GFRA2: variants seen among roughly 807,000 people sequenced by gnomAD.
GFRA2 encodes the protein GDNF family receptor alpha-2.
A neutral mutation model predicts 48.3 loss-of-function variants in GFRA2; 17 were observed. That is an observed-to-expected ratio of 0.35 (90% CI 0.24 to 0.53). The LOEUF is 0.53. Ranked by LOEUF, GFRA2 falls within the 20% of genes least tolerant of loss-of-function variation. The pLI, the probability that GFRA2 is intolerant of heterozygous loss-of-function variation, is 0.93. For synonymous variants in GFRA2, 305 were observed against 257.2 expected (o/e 1.19, Z -1.78); for missense variants, 660 against 637.3 (o/e 1.04, Z -0.38).
At chr8:21,797,318 T>C (rs1351667861) in intron 2 of GFRA2, 2 of 126,698 alleles carry the variant, frequency 1.6e-5, no homozygotes, top group Non-Finnish European at 3.2e-5. Flanking sequence ...TTTGACATGG[T>C]CTCACTTTGT....
At chr8:21,719,476 T>C (rs1407074919) in intron 4 of GFRA2, among the ~76,000 whole-genome samples, 1 of 152,256 alleles carries the variant, frequency 6.6e-6, no homozygotes, top group African/African-American at 2.4e-5. Context: ...ATGCATCATT[T>C]GATTTTAATT....
intron 2 of GFRA2, among the ~76,000 whole-genome samples, chr8:21,779,180 A>G (rs1806853137): frequency 6.6e-6 from 1 of 152,200 alleles, no homozygotes; most frequent in South Asian, 2.1e-4. Flanking sequence ...AGCCTAGGCA[A>G]CAGAGTGAGA....
chr8:21,758,066 C>G (rs1361940407), intron 3 of GFRA2, among the ~76,000 whole-genome samples: 2 of 152,210 alleles, frequency 1.3e-5, no homozygotes, highest in Non-Finnish European at 1.5e-5. Flanking sequence ...TTGTGACTCA[C>G]AGGCCCCACC....
At chr8:21,735,129 C>A (rs1210117232) in intron 4 of GFRA2, among the ~76,000 whole-genome samples, 1 of 152,202 alleles carries the variant, frequency 6.6e-6, no homozygotes, top group African/African-American at 2.4e-5. Context: ...CACATGTCAT[C>A]AGGACCTCCT....
chr8:21,735,449 G>A (rs771706134), intron 4 of GFRA2, among the ~76,000 whole-genome samples: 5 of 150,634 alleles, frequency 3.3e-5, no homozygotes, highest in African/African-American at 4.9e-5. Context: ...GTTCTCCTTC[G>A]CACACACACA....
intron 1 of GFRA2, among the ~76,000 whole-genome samples, chr8:21,787,001 C>G (rs1472255709): frequency 6.6e-6 from 1 of 151,822 alleles, no homozygotes; most frequent in Non-Finnish European, 1.5e-5. Context: ...CACTCACACA[C>G]ACACACACAT....
intron 4 of GFRA2, among the ~76,000 whole-genome samples, chr8:21,730,807 A>G (rs901168237): frequency 6.6e-6 from 1 of 152,134 alleles, no homozygotes; most frequent in African/African-American, 2.4e-5. Context: ...TTCTCCTCAA[A>G]TCGTATCTTC....
intron 2 of GFRA2, among the ~76,000 whole-genome samples, chr8:21,778,747 C>T (rs1257976664): frequency 6.6e-6 from 1 of 151,924 alleles, no homozygotes; most frequent in Non-Finnish European, 1.5e-5. Flanking sequence ...ATTAGCCAAG[C>T]GTAGTGGCAC....
intron 4 of GFRA2, among the ~76,000 whole-genome samples, chr8:21,748,198 C>T (rs1805106125): frequency 6.6e-6 from 1 of 152,152 alleles, no homozygotes; most frequent in Admixed American, 6.5e-5. Flanking sequence ...AGGTCGAGAC[C>T]CACAAGTCCA....
intron 4 of GFRA2, among the ~76,000 whole-genome samples, chr8:21,729,001 G>A (rs964970623): frequency 5.3e-5 from 8 of 152,196 alleles, no homozygotes; most frequent in Admixed American, 2.0e-4. Context: ...GGCAGATTCC[G>A]CAGTGGTGTC....
chr8:21,692,246 G>A lies in GFRA2; in HGVS notation c.*1032C>T, dbSNP rs946121395. ...GTTGCTTAAAAAAAGGAAAGAAAGG[G>A]GAAACCACACAATATATGTATATGG... On this transcript the variant is annotated 3_prime_UTR_variant, in exon 9 of 9. Coordinates refer to ENST00000524240, the MANE Select transcript of GFRA2 (RefSeq NM_001495.5). The A allele has an allele frequency of 1.3e-5, 2 of 152,348 alleles. No individual in the cohort carries two copies. The highest frequency in any genetic ancestry group is 1.3e-4 in the Admixed American group (2 of 15,268). 9.4% of individuals were successfully genotyped at this position (152,348 alleles called of 1,614,324 possible).
rs141487888 is a variant in GFRA2, at chr8:21,719,587, G to T, written c.795-13546C>A. 1.6e-3 allele frequency among the ~76,000 whole-genome samples: 247 copies of T among 152,344 alleles called. 1 individual carries two copies. The highest frequency in any genetic ancestry group is 5.7e-3 in the African/African-American group (236 of 41,568). ...CACTATAGACTTGCTGTCACATTAAGTCAATACTTATGAAGGCTCTCTATT... is the reference window on the plus strand; with the variant it reads ...CACTATAGACTTGCTGTCACATTAATTCAATACTTATGAAGGCTCTCTATT... On this transcript the variant is annotated intron_variant, in intron 4 of 8. Transcript: ENST00000524240.
intron 3 of GFRA2, among the ~76,000 whole-genome samples, chr8:21,761,677 C>T (rs745367587): frequency 2.5e-4 from 38 of 152,048 alleles, no homozygotes; most frequent in Admixed American, 1.3e-4. Flanking sequence ...TGGCTGGGTG[C>T]GGTTGCTCAC....
At chr8:21,696,560 C>T (rs917971454) in intron 7 of GFRA2, among the ~76,000 whole-genome samples, 2 of 152,144 alleles carry the variant, frequency 1.3e-5, no homozygotes, top group Admixed American at 6.5e-5. Flanking sequence ...GGGTTACACC[C>T]GAGGTCAGCC....
intron 4 of GFRA2, among the ~76,000 whole-genome samples, chr8:21,741,273 C>G (rs901434437): frequency 6.6e-6 from 1 of 152,180 alleles, no homozygotes; most frequent in African/African-American, 2.4e-5. Flanking sequence ...CCTTTCCCCC[C>G]TTTCCCTCCT....
At chr8:21,718,922 T>A (rs1585250691) in intron 4 of GFRA2, among the ~76,000 whole-genome samples, 1 of 129,076 alleles carries the variant, frequency 7.7e-6, no homozygotes, top group African/African-American at 3.0e-5. Context: ...CCCCTACCCA[T>A]CCCCCTGTCC....
chr8:21,699,587 C>T (rs966134658), intron 7 of GFRA2, among the ~76,000 whole-genome samples: 10 of 152,124 alleles, frequency 6.6e-5, no homozygotes, highest in East Asian at 1.9e-4. Flanking sequence ...AACCATCGCC[C>T]GTCTCCCTGC....
intron 1 of GFRA2, 63 bp downstream of exon 1, chr8:21,788,057 G>T: frequency 1.2e-5 from 2 of 167,794 alleles, no homozygotes; most frequent in Non-Finnish European, 1.1e-5. Context: ...CCGGCGCTCC[G>T]CTCGCCCCCC....
At chr8:21,732,868 T>C (rs1382216156) in intron 4 of GFRA2, among the ~76,000 whole-genome samples, 1 of 152,164 alleles carries the variant, frequency 6.6e-6, no homozygotes, top group African/African-American at 2.4e-5. Flanking sequence ...GAATGGGCAC[T>C]TCCAAGGCAG....
Sources: gnomAD v4.1 joint callset for allele counts (sites outside exome capture counted in the v4.1 genomes callset) on GRCh38, gnomAD v4.1.1 for gene constraint, MANE v1.5 for transcripts, NCBI Gene and HGNC (gene_info 2026-07-23, HGNC 2026-07-21) for gene names.